The following PPARD variants were observed in gnomAD, a reference collection of about 807,000 sequenced individuals.
The protein encoded by PPARD is peroxisome proliferator activated receptor delta, also known as peroxisome proliferator-activated receptor delta.
PPARD carries 6 observed loss-of-function variants against 39.5 expected under a neutral mutation model. That is an observed-to-expected ratio of 0.15 (90% CI 0.08 to 0.30). The LOEUF (loss-of-function observed/expected upper bound fraction) is 0.30, where lower values mean the gene tolerates loss of function less well. Among genes scored for constraint, PPARD ranks in the 10% least tolerant of loss-of-function variants. The pLI is 1.00. For synonymous variants in PPARD, 210 were observed against 231.3 expected (o/e 0.91, Z 0.83); for missense variants, 397 against 596.8 (o/e 0.67, Z 3.49).
rs959545502 is a variant in PPARD, at chr6:35,350,612, CTTTT to C, written c.-102+3481_-102+3484del. Among the ~76,000 whole-genome samples, 8 of 104,592 alleles carry C rather than the reference CTTTT, an allele frequency of 7.6e-5. No individual in the cohort carries two copies. The South Asian group carries it at 1.1e-3, about 15-fold the overall frequency. The allele number at this position is 104,592 out of a possible 152,430, so 68.6% of individuals were successfully genotyped here. On this transcript the variant is annotated intron_variant, in intron 2 of 7. Transcript: ENST00000360694. ...TATTCTGTTCCATTGGTCTATGTGT[CTTTT>C]TTTTTTTTTTTTTTTTTTCTCTGAG...
In PPARD at chr6:35,413,704, CAG is replaced by C. The variant is rs1452261867; in HGVS notation, c.130+2490_130+2491del. Among the ~76,000 whole-genome samples, 13 of 148,804 alleles carry C rather than the reference CAG, an allele frequency of 8.7e-5. 1 individual carries two copies. The East Asian group carries it at 1.8e-3, about 20-fold the overall frequency. ...TGATTCTTTTTTTTTTTTTTTGAGA[CAG>C]AGCCTGGCTCTGTCGCTCAGGCTGG... On this transcript the variant is annotated intron_variant, in intron 3 of 7. Coordinates refer to ENST00000360694, the MANE Select transcript of PPARD (RefSeq NM_006238.5).
intron 2 of PPARD, among the ~76,000 whole-genome samples, chr6:35,393,251 C>T (rs544120726): frequency 1.4e-4 from 22 of 152,262 alleles, no homozygotes; most frequent in African/African-American, 4.1e-4. Context: ...GAGGGGGCAT[C>T]TTGGGAGGGA....
chr6:35,424,926 G>T lies in PPARD; in HGVS notation c.1078+147G>T. ...CAGTGGAACATGCAAGGCACTGACT[G>T]AGCATGCAGGATCAGCTCCATCTCA... On this transcript the variant is annotated intron_variant, in intron 7 of 7. Transcript: ENST00000360694. The surrounding 1 kb of genome is among the most constrained non-coding windows in gnomAD (Gnocchi z 7.1). 1 of 1,445,630 alleles carries T rather than the reference G, an allele frequency of 6.9e-7. No homozygotes were observed. The highest frequency in any genetic ancestry group is 9.1e-7 in the Non-Finnish European group (1 of 1,103,980). The allele number at this position is 1,445,630 out of a possible 1,614,324, so 89.6% of individuals were successfully genotyped here.
chr6:35,372,424 C>A (rs1762534180), intron 2 of PPARD, among the ~76,000 whole-genome samples: 1 of 152,190 alleles, frequency 6.6e-6, no homozygotes, highest in Non-Finnish European at 1.5e-5. Context: ...GGTGATCTGC[C>A]CACCTTGGCT....
At chr6:35,369,637 A>G (rs1762381216) in intron 2 of PPARD, among the ~76,000 whole-genome samples, 1 of 152,210 alleles carries the variant, frequency 6.6e-6, no homozygotes, top group Non-Finnish European at 1.5e-5. Flanking sequence ...TTAAACATTT[A>G]TATCCTAGCA....
chr6:35,378,721 G>A (rs1391817288), intron 2 of PPARD, among the ~76,000 whole-genome samples: 1 of 152,174 alleles, frequency 6.6e-6, no homozygotes, highest in Non-Finnish European at 1.5e-5. Flanking sequence ...AGACCAGGAT[G>A]TGAAAACTCA....
intron 2 of PPARD, among the ~76,000 whole-genome samples, chr6:35,351,853 C>T (rs1761271095): frequency 6.7e-6 from 1 of 148,786 alleles, no homozygotes; most frequent in African/African-American, 2.5e-5. Flanking sequence ...TGAGCCACCA[C>T]ACCCAGCCTT....
At chr6:35,348,977 C>T in intron 2 of PPARD, 1 of 985,318 alleles carries the variant, frequency 1.0e-6, no homozygotes, top group African/African-American at 1.7e-5. Context: ...TCCAGTTCAT[C>T]CCTGAGCCTT....
intron 2 of PPARD, among the ~76,000 whole-genome samples, chr6:35,406,134 C>A (rs748483711): frequency 6.6e-5 from 10 of 152,176 alleles, no homozygotes; most frequent in African/African-American, 2.4e-4. Context: ...CCATGTTGCC[C>A]AGGCTGGTCT....
intron 2 of PPARD, among the ~76,000 whole-genome samples, chr6:35,396,613 G>C (rs948637233): frequency 1.3e-5 from 2 of 149,922 alleles, no homozygotes; most frequent in East Asian, 4.0e-4. Flanking sequence ...GGCAGATCAT[G>C]AGGTCAGGAG....
chr6:35,378,815 G>T (rs1278664091), intron 2 of PPARD, among the ~76,000 whole-genome samples: 1 of 152,126 alleles, frequency 6.6e-6, no homozygotes, highest in Non-Finnish European at 1.5e-5. Flanking sequence ...AACTAAAAAG[G>T]GCAGATGAGA....
At chr6:35,394,883 T>C (rs1371063714) in intron 2 of PPARD, among the ~76,000 whole-genome samples, 1 of 151,864 alleles carries the variant, frequency 6.6e-6, no homozygotes, top group African/African-American at 2.4e-5. Context: ...TTACATTTGC[T>C]CCCTCATCTC....
Position 35,420,146 on chromosome 6 carries a change from G to A in PPARD, c.150G>A (p.Ser50=), listed in dbSNP as rs201131009. 46 of 1,613,016 alleles carry A rather than the reference G, an allele frequency of 2.9e-5. No individual in the cohort carries two copies. Among genetic ancestry groups the A allele is most frequent in the Non-Finnish European group, 3.7e-5 (44 of 1,179,814 alleles). Residue 50 remains serine, a synonymous_variant, in exon 4 of 8, where the codon TCG becomes TCA. Transcript: ENST00000360694. ...CCGCAGACCTCTCCCGGAGCTCCTC[G>A]CCACCCTCACTGCTGGACCAACTGC... ...SSYTDLSRSS[S]PPSLLDQLQM...
At chr6:35,403,527 A>G (rs1313932290) in intron 2 of PPARD, among the ~76,000 whole-genome samples, 3 of 151,986 alleles carry the variant, frequency 2.0e-5, no homozygotes, top group East Asian at 1.9e-4. Context: ...TAGTGTGGCT[A>G]AGGCTCATGT....
chr6:35,411,085 GC>G lies in PPARD; in HGVS notation c.-1del. 1 of 1,537,784 alleles carries G rather than the reference GC, an allele frequency of 6.5e-7. No individual in the cohort carries two copies. The highest frequency in any genetic ancestry group is 1.3e-5 in the South Asian group (1 of 79,490). Reference sequence around the variant, plus strand: ...CAGGTGTGGCGCCGAGGGGAGATCAGCCATGGAGCAGCCACAGGAGGAAGCC... The same window carrying G: ...CAGGTGTGGCGCCGAGGGGAGATCAGCATGGAGCAGCCACAGGAGGAAGCC... On this transcript the variant is annotated 5_prime_UTR_variant, in exon 3 of 8. Coordinates refer to ENST00000360694, the MANE Select transcript of PPARD (RefSeq NM_006238.5).
intron 2 of PPARD, among the ~76,000 whole-genome samples, chr6:35,394,337 A>G (rs1467930557): frequency 6.6e-6 from 1 of 152,244 alleles, no homozygotes; most frequent in African/African-American, 2.4e-5. Flanking sequence ...GAATTCCATG[A>G]CATGGATCTT....
chr6:35,394,417 CT>C (rs1354291129), intron 2 of PPARD, among the ~76,000 whole-genome samples: 1 of 152,098 alleles, frequency 6.6e-6, no homozygotes, highest in Non-Finnish European at 1.5e-5. Context: ...CTTGTAAAAC[CT>C]TTTTTTAAAA....
intron 2 of PPARD, among the ~76,000 whole-genome samples, chr6:35,372,756 G>C (rs773228271): frequency 4.6e-5 from 7 of 152,192 alleles, no homozygotes; most frequent in Non-Finnish European, 8.8e-5. Context: ...CATGTGCTCT[G>C]GAGTTAGACC....
chr6:35,421,445 C>A (rs1360703233), intron 4 of PPARD, among the ~76,000 whole-genome samples: 8 of 152,084 alleles, frequency 5.3e-5, no homozygotes, highest in African/African-American at 1.9e-4. Flanking sequence ...TCAAGCGATT[C>A]CCCTGCCTCA....
Sources: allele counts gnomAD v4.1 joint callset (sites outside exome capture counted in the v4.1 genomes callset), GRCh38; gene constraint gnomAD v4.1.1; non-coding constraint Gnocchi (gnomAD v3.1); transcripts MANE v1.5; gene names NCBI Gene and HGNC (gene_info 2026-07-23, HGNC 2026-07-21).